The following MBNL1 variants were observed in gnomAD, a reference collection of about 807,000 sequenced individuals.
The protein encoded by MBNL1 is muscleblind like splicing regulator 1, also known as muscleblind-like protein 1.
MBNL1 carries 8 observed loss-of-function variants against 42.2 expected under a neutral mutation model. The observed-to-expected ratio is 0.19, with a 90% CI of 0.11 to 0.34. The LOEUF is 0.34. Ranked by LOEUF, MBNL1 falls within the 10% of genes least tolerant of loss-of-function variation. MBNL1 has a pLI of 1.00. For synonymous variants in MBNL1, 169 were observed against 173.9 expected (o/e 0.97, Z 0.22); for missense variants, 309 against 495.3 (o/e 0.62, Z 3.57).
rs1462619104 is a variant in MBNL1 at position 152,432,937 on chromosome 3, G to C, written c.549+17G>C. 6 of 1,602,860 alleles carry C rather than the reference G, an allele frequency of 3.7e-6. No individual in the cohort carries two copies. Among genetic ancestry groups the C allele is most frequent in the Non-Finnish European group, 5.1e-6 (6 of 1,170,556 alleles). ...AGACTTGAGGTAGGAATGACTAGTT[G>C]GTGTCTTTATATACTACATTCTAAT... On this transcript the variant is annotated intron_variant, in intron 4 of 9. Coordinates refer to ENST00000324210, the MANE Select transcript of MBNL1 (RefSeq NM_021038.5).
intron 2 of MBNL1, among the ~76,000 whole-genome samples, chr3:152,386,828 T>G (rs981533434): frequency 1.3e-5 from 2 of 152,120 alleles, no homozygotes; most frequent in Non-Finnish European, 2.9e-5. Flanking sequence ...AAGCAGCATA[T>G]TTATAGTTTT....
chr3:152,342,961 A>G (rs1315109487), intron 2 of MBNL1, among the ~76,000 whole-genome samples: 3 of 152,228 alleles, frequency 2.0e-5, no homozygotes, highest in Non-Finnish European at 1.5e-5. Context: ...TGGGATGCAT[A>G]GTTAGTGAAA....
chr3:152,459,998 A>T (rs1321987294), intron 9 of MBNL1, among the ~76,000 whole-genome samples: 1 of 151,988 alleles, frequency 6.6e-6, no homozygotes, highest in African/African-American at 2.4e-5. Flanking sequence ...TCACACTTGT[A>T]ATCCAAGCAC....
At chr3:152,374,370 G>A (rs918132326) in intron 2 of MBNL1, among the ~76,000 whole-genome samples, 1 of 152,132 alleles carries the variant, frequency 6.6e-6, no homozygotes, top group Non-Finnish European at 1.5e-5. Flanking sequence ...TGCTCTGAGG[G>A]CATCTTCAGC....
chr3:152,307,117 G>A (rs1274997028), intron 2 of MBNL1, among the ~76,000 whole-genome samples: 1 of 152,050 alleles, frequency 6.6e-6, no homozygotes, highest in Non-Finnish European at 1.5e-5. Context: ...AACCTCCCGA[G>A]TAGCTGGTCC....
intron 2 of MBNL1, among the ~76,000 whole-genome samples, chr3:152,333,221 C>G (rs1266482649): frequency 6.6e-6 from 1 of 152,080 alleles, no homozygotes; most frequent in Admixed American, 6.6e-5. Context: ...CCTGTTAATG[C>G]CTCCGAAGAT....
chr3:152,415,118 A>G lies in MBNL1; in HGVS notation c.345+7A>G, dbSNP rs1167785883. The G allele has an allele frequency of 2.6e-6, 4 of 1,567,946 alleles. No homozygotes were observed. ...TGCCCCATTACAACCCGTGGTAAGC[A>G]TGTTTTCAGTCTTCACTCATTAAGT... On this transcript the variant is annotated splice_region_variant and intron_variant, in intron 3 of 9. Coordinates refer to ENST00000324210, the MANE Select transcript of MBNL1 (RefSeq NM_021038.5).
At chr3:152,280,915 T>A (rs12107206) in intron 1 of MBNL1, among the ~76,000 whole-genome samples, 1 of 152,214 alleles carries the variant, frequency 6.6e-6, no homozygotes, top group East Asian at 1.9e-4. Flanking sequence ...TAAAGCCCAT[T>A]ACATATAAAG....
intron 2 of MBNL1, among the ~76,000 whole-genome samples, chr3:152,326,161 ACT>A (rs2079913184): frequency 6.6e-6 from 1 of 152,154 alleles, no homozygotes; most frequent in South Asian, 2.1e-4. Flanking sequence ...TTTATGTTCA[ACT>A]TTTCCTGATT....
At chr3:152,322,038 G>T (rs2076763223) in intron 2 of MBNL1, among the ~76,000 whole-genome samples, 1 of 141,002 alleles carries the variant, frequency 7.1e-6, no homozygotes, top group Non-Finnish European at 1.5e-5. Context: ...TTATAGTATA[G>T]ATATTTTAAA....
At chr3:152,249,715 A>C (rs568290272) in intron 2 of MBNL1, among the ~76,000 whole-genome samples, 2,937 of 145,648 alleles carry the variant, frequency 0.02, 80 homozygotes, top group African/African-American at 0.071. Context: ...CTGAATGGTA[A>C]TGCCTAGGTT....
intron 2 of MBNL1, among the ~76,000 whole-genome samples, chr3:152,377,733 A>T (rs1484185969): frequency 6.6e-6 from 1 of 152,226 alleles, no homozygotes; most frequent in African/African-American, 2.4e-5. Context: ...TGACTTCTAC[A>T]GTGACCTAAA....
intron 2 of MBNL1, among the ~76,000 whole-genome samples, chr3:152,261,349 C>A (rs1439662012): frequency 6.6e-6 from 1 of 152,048 alleles, no homozygotes; most frequent in Admixed American, 6.6e-5. Context: ...ACCTTAGAGT[C>A]CTTAACACTT....
At chr3:152,275,752 G>C (rs1473280710) in intron 1 of MBNL1, among the ~76,000 whole-genome samples, 1 of 148,792 alleles carries the variant, frequency 6.7e-6, no homozygotes, top group African/African-American at 2.5e-5. Context: ...TTTATACCAG[G>C]CAGGTAGAAA....
chr3:152,358,450 G>A (rs1483717154), intron 2 of MBNL1, among the ~76,000 whole-genome samples: 2 of 152,100 alleles, frequency 1.3e-5, no homozygotes, highest in Non-Finnish European at 2.9e-5. Context: ...TAGGATAAAG[G>A]ATAGAAAAGA....
chr3:152,451,745 G>C (rs1723431545), intron 6 of MBNL1, among the ~76,000 whole-genome samples: 1 of 152,128 alleles, frequency 6.6e-6, no homozygotes, highest in African/African-American at 2.4e-5. Context: ...CAGATATTTT[G>C]TTCAAAAGAG....
chr3:152,269,620 G>A (rs1188946978), intron 1 of MBNL1: 1 of 423,506 alleles, frequency 2.4e-6, no homozygotes, highest in Admixed American at 2.5e-5. Context: ...GTTTAGCTGG[G>A]CTGCCTTATA....
At chr3:152,441,774 T>C in intron 4 of MBNL1, among the ~76,000 whole-genome samples, 1 of 152,190 alleles carries the variant, frequency 6.6e-6, no homozygotes, top group East Asian at 1.9e-4. Context: ...TAATGCAGGT[T>C]TGAAAACCAT....
At chr3:152,392,459 G>T (rs189909825) in intron 2 of MBNL1, among the ~76,000 whole-genome samples, 77 of 152,230 alleles carry the variant, frequency 5.1e-4, no homozygotes, top group African/African-American at 1.7e-3. Flanking sequence ...AAAATGAATG[G>T]AATGCTTTTG....
Sources: gnomAD v4.1 joint callset for allele counts (sites outside exome capture counted in the v4.1 genomes callset) on GRCh38, gnomAD v4.1.1 for gene constraint, MANE v1.5 for transcripts, NCBI Gene and HGNC (gene_info 2026-07-23, HGNC 2026-07-21) for gene names.